SUGCT: variants seen among roughly 807,000 people sequenced by gnomAD.
SUGCT encodes the protein succinyl-CoA:glutarate-CoA transferase.
A neutral mutation model predicts 55.0 loss-of-function variants in SUGCT; 41 were observed. That is an observed-to-expected ratio of 0.74 (90% CI 0.58 to 0.97). The LOEUF is 0.97. Among genes scored for constraint, SUGCT ranks in the 50% least tolerant of loss-of-function variants. The pLI, the probability that SUGCT is intolerant of heterozygous loss-of-function variation, is 0.00. For missense variants in SUGCT, 568 were observed against 547.8 expected, an observed-to-expected ratio of 1.04 and a Z score of -0.37; for synonymous variants, 187 against 200.4, an observed-to-expected ratio of 0.93 and a Z score of 0.56.
At chr7:40,652,236 C>T (rs1800812483) in intron 12 of SUGCT, among the ~76,000 whole-genome samples, 1 of 152,116 alleles carries the variant, frequency 6.6e-6, no homozygotes, top group African/African-American at 2.4e-5. Flanking sequence ...GTCCTTTATA[C>T]CCTGAGGTTG....
Position 40,417,024 on chromosome 7 carries a change from G to A in SUGCT, c.817-32263G>A, listed in dbSNP as rs190990446. 3.3e-3 allele frequency among the ~76,000 whole-genome samples: 497 copies of A among 151,970 alleles called. 5 individuals carry two copies. Among genetic ancestry groups the A allele is most frequent in the Middle Eastern group, 6.8e-3 (2 of 294 alleles). ...AATTATCCACTAATGCTAGGCTTTC[G>A]AATATGTCATCATAGAGTTGCATAT... On this transcript the variant is annotated intron_variant, in intron 9 of 13. Transcript: ENST00000335693.
Position 40,449,309 on chromosome 7 carries a change from A to G in SUGCT, c.839A>G (p.Tyr280Cys), listed in dbSNP as rs368009272. The stretch of plus-strand genomic sequence containing the variant: ...TAGGCTTTTAAAACCAAGGATGGCT[A>G]TATTGTAGTTGGAGCAGGAAATAAC... ...PYQAFKTKDG[Y>C]IVVGAGNNQQ... The change falls in exon 10 of 14, where the codon TAT (tyrosine) becomes TGT (cysteine). Residue 280 changes from tyrosine (Y) to cysteine (C), a missense_variant. Transcript: ENST00000335693. 63 of 1,611,868 alleles carry G rather than the reference A, an allele frequency of 3.9e-5. No homozygotes were observed. Among genetic ancestry groups the G allele is most frequent in the Non-Finnish European group, 2.7e-5 (32 of 1,178,454 alleles).
chr7:40,527,444 C>T (rs538271399), intron 12 of SUGCT, among the ~76,000 whole-genome samples: 1 of 152,286 alleles, frequency 6.6e-6, no homozygotes, highest in East Asian at 1.9e-4. Context: ...CAGACACATC[C>T]CTTTTCCTGT....
chr7:40,796,229 T>C, intron 13 of SUGCT, among the ~76,000 whole-genome samples: 1 of 152,074 alleles, frequency 6.6e-6, no homozygotes, highest in East Asian at 1.9e-4. Flanking sequence ...AGATGAGTAT[T>C]GGGTTGGGGA....
chr7:40,576,446 A>T (rs564672730), intron 12 of SUGCT, among the ~76,000 whole-genome samples: 5 of 152,360 alleles, frequency 3.3e-5, no homozygotes, highest in Admixed American at 1.3e-4. Flanking sequence ...TCTCACCAAA[A>T]GGATAAAAAG....
At chr7:40,866,521 C>T in the SUGCT span, among the ~76,000 whole-genome samples, 117 of 150,404 alleles carry the variant, frequency 7.8e-4, no homozygotes, top group Middle Eastern at 3.4e-3. Context: ...TATAGCCGAA[C>T]GTGCTTGCAA....
intron 6 of SUGCT, among the ~76,000 whole-genome samples, chr7:40,206,532 G>GT (rs1786984420): frequency 6.6e-6 from 1 of 152,126 alleles, no homozygotes; most frequent in South Asian, 2.1e-4. Flanking sequence ...ATGCACAAAG[G>GT]TTTTTCAAGT....
chr7:40,833,702 C>G (rs1447869533), intron 13 of SUGCT, among the ~76,000 whole-genome samples: 1 of 152,162 alleles, frequency 6.6e-6, no homozygotes. Flanking sequence ...AAATTTTCCT[C>G]TATTTGTTTC....
intron 9 of SUGCT, among the ~76,000 whole-genome samples, chr7:40,401,980 T>C (rs1786095462): frequency 6.6e-6 from 1 of 152,164 alleles, no homozygotes; most frequent in Admixed American, 6.5e-5. Context: ...AACTTTTTTG[T>C]TTTTTTGCAC....
intron 7 of SUGCT, among the ~76,000 whole-genome samples, chr7:40,260,639 G>C (rs567753695): frequency 1.0e-3 from 155 of 152,174 alleles, no homozygotes; most frequent in Non-Finnish European, 1.8e-3. Context: ...GGATTAAAAA[G>C]CTTTTGTTTT....
chr7:40,962,259 G>A, the SUGCT span, among the ~76,000 whole-genome samples: 2 of 152,086 alleles, frequency 1.3e-5, no homozygotes, highest in Admixed American at 1.3e-4. Flanking sequence ...ACTGGTTGGT[G>A]CATTTACAAT....
intron 9 of SUGCT, among the ~76,000 whole-genome samples, chr7:40,426,895 C>T (rs1243787972): frequency 6.6e-6 from 1 of 151,968 alleles, no homozygotes; most frequent in East Asian, 1.9e-4. Context: ...GTCACTGTAA[C>T]CTCAAACTGC....
At chr7:40,448,973 G>T (rs1327322369) in intron 9 of SUGCT, among the ~76,000 whole-genome samples, 1 of 151,352 alleles carries the variant, frequency 6.6e-6, no homozygotes, top group East Asian at 1.9e-4. Flanking sequence ...GAGAGAGAGA[G>T]AGAGAGAGAG....
chr7:40,625,170 A>G (rs1259244909), intron 12 of SUGCT, among the ~76,000 whole-genome samples: 1 of 151,652 alleles, frequency 6.6e-6, no homozygotes. Flanking sequence ...TTCCTGGCGA[A>G]CTCTTGACCT....
At chr7:40,687,665 T>C (rs909969438) in intron 12 of SUGCT, among the ~76,000 whole-genome samples, 7 of 152,310 alleles carry the variant, frequency 4.6e-5, no homozygotes, top group African/African-American at 1.7e-4. Flanking sequence ...CATACCGTTA[T>C]AGCCCCTTCA....
chr7:40,195,222 C>CTTTTTTTTTTTTTT (rs11326653), intron 6 of SUGCT, among the ~76,000 whole-genome samples, 162 bp downstream of exon 6: 46 of 101,218 alleles, frequency 4.5e-4, no homozygotes, highest in East Asian at 1.1e-3. Context: ...TTTCTTTTTT[C>CTTTTTTTTTTTTTT]TTTTTTTTTT....
At chr7:40,419,115 T>A (rs371404656) in intron 9 of SUGCT, among the ~76,000 whole-genome samples, 4 of 152,182 alleles carry the variant, frequency 2.6e-5, no homozygotes, top group Non-Finnish European at 4.4e-5. Flanking sequence ...AATAAAAATA[T>A]GTGCTCATTT....
intron 11 of SUGCT, among the ~76,000 whole-genome samples, chr7:40,494,890 A>G (rs186471006): frequency 6.6e-6 from 1 of 151,258 alleles, no homozygotes; most frequent in Non-Finnish European, 1.5e-5. Context: ...GTACTTCAGT[A>G]TTGAAATTAT....
At chr7:40,873,682 A>G in the SUGCT span, among the ~76,000 whole-genome samples, 41,922 of 152,154 alleles carry the variant, frequency 0.28, 7,799 homozygotes, top group East Asian at 0.81. Flanking sequence ...ACTCAGCTCA[A>G]TACTTATGCC....
Sources: allele counts gnomAD v4.1 joint callset (sites outside exome capture counted in the v4.1 genomes callset), GRCh38; gene constraint gnomAD v4.1.1; transcripts MANE v1.5; gene names NCBI Gene and HGNC (gene_info 2026-07-23, HGNC 2026-07-21).